The following TEAD1 variants were observed in gnomAD, a reference collection of about 807,000 sequenced individuals.
TEAD1 encodes TEA domain transcription factor 1.
A neutral mutation model predicts 54.9 loss-of-function variants in TEAD1; 9 were observed. The observed-to-expected ratio is 0.16, with a 90% CI of 0.10 to 0.29. The LOEUF (loss-of-function observed/expected upper bound fraction) is 0.29, where lower values mean the gene tolerates loss of function less well. Ranked by LOEUF, TEAD1 falls within the 10% of genes least tolerant of loss-of-function variation. The probability of loss-of-function intolerance (pLI) is 1.00; values close to 1 mark genes in which losing one functional copy is unlikely to be tolerated. For missense variants in TEAD1, 387 were observed against 535.9 expected (o/e 0.72, Z 2.74); for synonymous variants, 200 against 187.8 (o/e 1.07, Z -0.53).
At chr11:12,676,408 C>T (rs1378595676) in intron 2 of TEAD1, among the ~76,000 whole-genome samples, 1 of 152,208 alleles carries the variant, frequency 6.6e-6, no homozygotes, top group Non-Finnish European at 1.5e-5. Context: ...TGCAGTGAAT[C>T]TTGCTGGTCT....
intron 3 of TEAD1, among the ~76,000 whole-genome samples, chr11:12,834,432 G>A (rs1564956924): frequency 1.3e-5 from 2 of 152,192 alleles, no homozygotes; most frequent in African/African-American, 4.8e-5. Context: ...TTAGATTTGT[G>A]TTTTGAGTGA....
chr11:12,750,939 T>A (rs764071243), intron 2 of TEAD1, among the ~76,000 whole-genome samples: 1 of 152,206 alleles, frequency 6.6e-6, no homozygotes, highest in Non-Finnish European at 1.5e-5. Flanking sequence ...ATTGACTCAT[T>A]ATTTCCGGCA....
rs760445704 is a variant in TEAD1 at position 12,830,806 on chromosome 11, CTATT to C, written c.203-31441_203-31438del. The stretch of plus-strand genomic sequence containing the variant: ...CACATGCACATTCACATTGTAATTC[CTATT>C]TAAAGGGAAAAACGAGCCAGTTTTT... On this transcript the variant is annotated intron_variant, in intron 3 of 12. Coordinates refer to ENST00000527636, the MANE Select transcript of TEAD1 (RefSeq NM_021961.6). Among the ~76,000 whole-genome samples the C allele has an allele frequency of 4.6e-5, 7 of 152,192 alleles. No individual in the cohort carries two copies. The South Asian group carries it at 6.2e-4, about 14-fold the overall frequency.
chr11:12,754,430 G>C (rs892060693), intron 2 of TEAD1, among the ~76,000 whole-genome samples: 3 of 152,116 alleles, frequency 2.0e-5, no homozygotes, highest in African/African-American at 7.2e-5. Flanking sequence ...CATTAGAAAT[G>C]GGTAAAGGCA....
At chr11:12,927,977 G>T (rs1189780134) in intron 11 of TEAD1, among the ~76,000 whole-genome samples, 1 of 151,968 alleles carries the variant, frequency 6.6e-6, no homozygotes, top group African/African-American at 2.4e-5. Context: ...ATTTACTGTA[G>T]GCTTTTATTA....
intron 4 of TEAD1, among the ~76,000 whole-genome samples, chr11:12,863,819 A>G (rs1350894816): frequency 6.6e-6 from 1 of 152,086 alleles, no homozygotes; most frequent in Non-Finnish European, 1.5e-5. Context: ...CAGTGGAATC[A>G]TTGTGTTTCA....
At position 12,746,637 on chromosome 11, in the gene TEAD1, T is replaced by G. The variant is rs147607463; in HGVS notation, c.-54-17542T>G. ...CCTCTTTGACACATGTTCAAAGGTC[T>G]TCCTTTTTTTTCTTCTCCTGAGCTG... On this transcript the variant is annotated intron_variant, in intron 2 of 12. Transcript: ENST00000527636. Among the ~76,000 whole-genome samples the G allele has an allele frequency of 5.2e-4, 79 of 152,372 alleles. No homozygotes were observed. The Middle Eastern group carries it at 0.02, about 39-fold the overall frequency.
chr11:12,929,062 T>C (rs1319722143), intron 11 of TEAD1, among the ~76,000 whole-genome samples: 1 of 152,198 alleles, frequency 6.6e-6, no homozygotes, highest in Non-Finnish European at 1.5e-5. Flanking sequence ...CCACAATGAC[T>C]GATCTATTTG....
chr11:12,764,338 A>G lies in TEAD1; in HGVS notation c.106A>G (p.Ser36Gly). Residue 36 changes from serine to glycine, a missense_variant, in exon 3 of 13, where the codon AGC becomes GGC. By Grantham distance (56) the Ser-to-Gly change is moderately conservative (BLOSUM62 0). Coordinates refer to ENST00000527636, the MANE Select transcript of TEAD1 (RefSeq NM_021961.6). The stretch of plus-strand genomic sequence containing the variant: ...TGACAATGATGCAGAAGGGGTCTGG[A>G]GCCCCGACATCGAGCAAAGCTTTCA... The G allele has an allele frequency of 6.2e-7, 1 of 1,614,170 alleles. No homozygotes were observed. The highest frequency in any genetic ancestry group is 8.5e-7 in the Non-Finnish European group (1 of 1,180,028).
rs1001990567 is a variant in TEAD1, at chr11:12,870,886, C to CA, written c.330+5994dup. 3.5e-4 allele frequency among the ~76,000 whole-genome samples: 52 copies of CA among 150,332 alleles called. No homozygotes were observed. The Middle Eastern group carries it at 0.014, about 40-fold the overall frequency. ...GGGCAACAGAGCGAGACTCTGTCTC[C>CA]AAAAAAAAGAAAAAGAAAAAATGTC... On this transcript the variant is annotated intron_variant, in intron 5 of 12. Transcript: ENST00000527636.
At chr11:12,840,120 G>A (rs1946994120) in intron 3 of TEAD1, among the ~76,000 whole-genome samples, 3 of 151,822 alleles carry the variant, frequency 2.0e-5, no homozygotes, top group South Asian at 2.1e-4. Flanking sequence ...GGTGGCGGGC[G>A]CCTGTAGTCC....
intron 3 of TEAD1, among the ~76,000 whole-genome samples, chr11:12,772,897 A>G (rs938052817): frequency 4.6e-5 from 7 of 152,150 alleles, no homozygotes; most frequent in African/African-American, 1.2e-4. Context: ...CACCGCCACA[A>G]TCAGAATACA....
At chr11:12,860,451 T>A (rs746617647) in intron 3 of TEAD1, among the ~76,000 whole-genome samples, 4 of 152,174 alleles carry the variant, frequency 2.6e-5, no homozygotes, top group Non-Finnish European at 5.9e-5. Flanking sequence ...TGGCAGGTGG[T>A]GGACAGAGCC....
chr11:12,806,773 G>T (rs552677027), intron 3 of TEAD1, among the ~76,000 whole-genome samples: 120 of 152,144 alleles, frequency 7.9e-4, no homozygotes, highest in Non-Finnish European at 6.2e-4. Context: ...TCTGAGAGTT[G>T]AATAAAAAAT....
chr11:12,804,802 C>T (rs942245447), intron 3 of TEAD1, among the ~76,000 whole-genome samples: 2 of 152,076 alleles, frequency 1.3e-5, no homozygotes, highest in African/African-American at 4.8e-5. Context: ...AAAGAAAGCC[C>T]CTTTAGAGAG....
At chr11:12,767,772 G>A (rs766937463) in intron 3 of TEAD1, among the ~76,000 whole-genome samples, 1 of 152,148 alleles carries the variant, frequency 6.6e-6, no homozygotes, top group African/African-American at 2.4e-5. Context: ...GAAGGGGTAC[G>A]AGATGTCCTT....
At chr11:12,908,883 G>GTTTTTGTTTTTTTTTTTTTTTTT (rs769023879) in intron 10 of TEAD1, among the ~76,000 whole-genome samples, 1,413 of 99,194 alleles carry the variant, frequency 0.014, 30 homozygotes, top group South Asian at 0.021. Context: ...CAAATTATCT[G>GTTTTTGTTTTTTTTTTTTTTTTT]TTTTTTTTTT....
At chr11:12,701,990 G>A (rs1943713090) in intron 2 of TEAD1, among the ~76,000 whole-genome samples, 1 of 152,160 alleles carries the variant, frequency 6.6e-6, no homozygotes, top group African/African-American at 2.4e-5. Context: ...CACAGCACTC[G>A]CAGGCTGCTT....
chr11:12,865,311 A>G (rs1947595075), intron 5 of TEAD1: 1 of 171,558 alleles, frequency 5.8e-6, no homozygotes, highest in Admixed American at 5.7e-5. Flanking sequence ...AGAAAGAATC[A>G]TTTCCAAAGT....
Sources: allele counts gnomAD v4.1 joint callset (sites outside exome capture counted in the v4.1 genomes callset), GRCh38; gene constraint gnomAD v4.1.1; transcripts MANE v1.5; gene names NCBI Gene and HGNC (gene_info 2026-07-23, HGNC 2026-07-21).